The following NECAB1 variants were observed in gnomAD, a reference collection of about 807,000 sequenced individuals.
NECAB1 encodes the protein N-terminal EF-hand calcium-binding protein 1.
A neutral mutation model predicts 57.5 loss-of-function variants in NECAB1; 29 were observed. The observed-to-expected ratio is 0.50, with a 90% confidence interval of 0.38 to 0.69. The LOEUF is 0.69. NECAB1 is among the 30% of genes least tolerant of loss of function. The pLI, the probability that NECAB1 is intolerant of heterozygous loss-of-function variation, is 0.00. For missense variants in NECAB1, 372 were observed against 413.8 expected, an observed-to-expected ratio of 0.90 and a Z score of 0.88; for synonymous variants, 142 against 147.7, an observed-to-expected ratio of 0.96 and a Z score of 0.28.
chr8:90,824,688 T>C (rs1282721118), intron 2 of NECAB1, 29 bp from the exon 3 acceptor site: 7 of 1,356,994 alleles, frequency 5.2e-6, no homozygotes, highest in Non-Finnish European at 7.1e-6. Context: ...ATTAAAATAA[T>C]TTGTGTCTCT....
intron 4 of NECAB1, among the ~76,000 whole-genome samples, chr8:90,877,866 G>A (rs1808756424): frequency 1.3e-5 from 2 of 151,988 alleles, no homozygotes; most frequent in Admixed American, 1.3e-4. Flanking sequence ...TTATGTCTTG[G>A]CAGTGCTGAA....
chr8:90,930,971 A>G (rs1230627239), intron 8 of NECAB1, among the ~76,000 whole-genome samples: 1 of 152,204 alleles, frequency 6.6e-6, no homozygotes, highest in Non-Finnish European at 1.5e-5. Flanking sequence ...TTTATTTGGT[A>G]TCTGAAATTT....
At chr8:90,842,563 G>A (rs1812472564) in intron 3 of NECAB1, among the ~76,000 whole-genome samples, 1 of 152,196 alleles carries the variant, frequency 6.6e-6, no homozygotes, top group Non-Finnish European at 1.5e-5. Context: ...CTGCCTGCTA[G>A]AGCAGCTTGT....
At chr8:90,827,648 G>A (rs981840957) in intron 3 of NECAB1, among the ~76,000 whole-genome samples, 1 of 151,882 alleles carries the variant, frequency 6.6e-6, no homozygotes, top group African/African-American at 2.4e-5. Flanking sequence ...AGAATATTTG[G>A]AAAGAAAGAA....
chr8:90,874,291 G>A (rs1391170767), intron 4 of NECAB1, among the ~76,000 whole-genome samples: 1 of 152,144 alleles, frequency 6.6e-6, no homozygotes, highest in Non-Finnish European at 1.5e-5. Flanking sequence ...ATTAGAAGTT[G>A]CAGGTATGTA....
rs1811075024 is a variant in NECAB1, at chr8:90,958,559, CATGA to C, written c.*3048_*3051del. The C allele has an allele frequency of 6.1e-6, 1 of 163,146 alleles. No individual in the cohort carries two copies. The highest frequency in any genetic ancestry group is 1.3e-5 in the Non-Finnish European group (1 of 76,042). The allele number at this position is 163,146 out of a possible 1,614,324, so 10.1% of individuals were successfully genotyped here. On this transcript the variant is annotated 3_prime_UTR_variant, in exon 13 of 13. Coordinates refer to ENST00000417640, the MANE Select transcript of NECAB1 (RefSeq NM_022351.5). ...TCTGGAGAGACTGTAATGATCCATT[CATGA>C]GCTGGTATGAAATCAGTGGGAAGCA...
At chr8:90,951,859 G>C (rs777173924) in intron 12 of NECAB1, among the ~76,000 whole-genome samples, 2 of 152,094 alleles carry the variant, frequency 1.3e-5, no homozygotes, top group Non-Finnish European at 2.9e-5. Context: ...TTCTTTAATA[G>C]TTTTTAAGAA....
chr8:90,893,096 TC>T (rs1182250988), intron 5 of NECAB1, among the ~76,000 whole-genome samples: 9 of 152,176 alleles, frequency 5.9e-5, no homozygotes, highest in Admixed American at 1.3e-4. Context: ...CATTCTGCCC[TC>T]CCTAGGTCCT....
intron 12 of NECAB1, 118 bp from the exon 13 acceptor site, chr8:90,955,369 A>C: frequency 1.5e-6 from 1 of 655,732 alleles, no homozygotes; most frequent in Non-Finnish European, 2.5e-6. Flanking sequence ...TAGAAAGATA[A>C]GTTATTATGC....
At chr8:90,824,130 ATATTATCTCTTT>A (rs1812188499) in intron 2 of NECAB1, among the ~76,000 whole-genome samples, 1 of 151,842 alleles carries the variant, frequency 6.6e-6, no homozygotes, top group South Asian at 2.1e-4. Flanking sequence ...ATGTCTGTAT[ATATTATCTCTTT>A]TATGATCTCT....
intron 6 of NECAB1, among the ~76,000 whole-genome samples, chr8:90,918,783 G>A (rs1293760724): frequency 1.3e-5 from 2 of 152,012 alleles, no homozygotes; most frequent in African/African-American, 2.4e-5. Context: ...TGATTGGACA[G>A]TAATTTCTCT....
chr8:90,916,567 CT>C (rs1330785592), intron 5 of NECAB1, among the ~76,000 whole-genome samples: 1 of 150,780 alleles, frequency 6.6e-6, no homozygotes, highest in African/African-American at 2.4e-5. Context: ...ACAAATAAAT[CT>C]TTTCCTTGGC....
At chr8:90,853,896 G>T (rs905632183) in intron 3 of NECAB1, among the ~76,000 whole-genome samples, 4 of 151,150 alleles carry the variant, frequency 2.6e-5, no homozygotes, top group Admixed American at 1.3e-4. Flanking sequence ...TATGTAGTGG[G>T]TAAGGAATGT....
At chr8:90,873,376 T>C (rs1808654741) in intron 4 of NECAB1, among the ~76,000 whole-genome samples, 1 of 152,188 alleles carries the variant, frequency 6.6e-6, no homozygotes, top group African/African-American at 2.4e-5. Flanking sequence ...TGTGCACACA[T>C]GGTTAAGTAC....
chr8:90,864,155 G>A (rs1419023415), intron 3 of NECAB1, among the ~76,000 whole-genome samples: 2 of 151,908 alleles, frequency 1.3e-5, no homozygotes, highest in African/African-American at 4.8e-5. Flanking sequence ...GGCAGGAATT[G>A]GAAATGTAAA....
chr8:90,843,382 C>T (rs1812490157), intron 3 of NECAB1, among the ~76,000 whole-genome samples: 1 of 152,214 alleles, frequency 6.6e-6, no homozygotes, highest in South Asian at 2.1e-4. Context: ...TACGAGTAAA[C>T]ATCTCCCCTA....
chr8:90,849,686 A>ATTTTTT lies in NECAB1; in HGVS notation c.234-22422_234-22417dup, dbSNP rs34779201. On this transcript the variant is annotated intron_variant, in intron 3 of 12. Transcript: ENST00000417640. ...TTTTTTATGTTTAAAGTTTCCAGTA[A>ATTTTTT]TTTTTTTTTTTTTTTTTTTTTTTTT... Among the ~76,000 whole-genome samples, 79 of 84,110 alleles carry ATTTTTT rather than the reference A, an allele frequency of 9.4e-4. 4 individuals are homozygous for ATTTTTT. Among genetic ancestry groups the ATTTTTT allele is most frequent in the African/African-American group, 1.5e-3 (37 of 24,514 alleles). The allele number at this position is 84,110 out of a possible 152,430, so 55.2% of individuals were successfully genotyped here. A position where few individuals can be genotyped will look rare whatever the true frequency, so the allele number is the denominator to read the frequency against.
Position 90,859,884 on chromosome 8 carries a change from G to A in NECAB1, c.234-12244G>A, listed in dbSNP as rs189319409. Among the ~76,000 whole-genome samples the A allele has an allele frequency of 5.3e-3, 802 of 152,104 alleles. 8 individuals carry two copies. The highest frequency in any genetic ancestry group is 0.025 in the South Asian group (119 of 4,810). ...AATAAAGATAGTATTATCAGAAGCT[G>A]AGAAAAACATAGTTACACATAGATT... On this transcript the variant is annotated intron_variant, in intron 3 of 12. Transcript: ENST00000417640.
intron 6 of NECAB1, among the ~76,000 whole-genome samples, chr8:90,924,292 T>C (rs1211678759): frequency 6.6e-6 from 1 of 152,212 alleles, no homozygotes; most frequent in East Asian, 1.9e-4. Context: ...AATTTTACCT[T>C]TCATTATGCA....
Sources: allele counts gnomAD v4.1 joint callset (sites outside exome capture counted in the v4.1 genomes callset), GRCh38; gene constraint gnomAD v4.1.1; transcripts MANE v1.5; gene names NCBI Gene and HGNC (gene_info 2026-07-23, HGNC 2026-07-21).